TSPAN9: variants seen among roughly 807,000 people sequenced by gnomAD.
TSPAN9 encodes the protein tetraspanin 9.
In TSPAN9, 16 loss-of-function variants were observed where a neutral mutation model predicts 31.0. That is an observed-to-expected ratio of 0.52 (90% CI 0.35 to 0.78). The LOEUF is 0.78. Among genes scored for constraint, TSPAN9 ranks in the 30% least tolerant of loss-of-function variants. The probability of loss-of-function intolerance (pLI) is 0.01; values close to 1 mark genes in which losing one functional copy is unlikely to be tolerated. For synonymous variants in TSPAN9, 145 were observed against 121.6 expected, an observed-to-expected ratio of 1.19 and a Z score of -1.27; for missense variants, 272 against 312.5, an observed-to-expected ratio of 0.87 and a Z score of 0.98.
intron 2 of TSPAN9, among the ~76,000 whole-genome samples, chr12:3,085,812 G>A (rs775864443): frequency 5.3e-5 from 8 of 152,214 alleles, no homozygotes; most frequent in Non-Finnish European, 1.2e-4. Context: ...TCTGACTAGT[G>A]CCTTCCCGGC....
chr12:3,192,422 TGCAGGGA>T lies in TSPAN9; in HGVS notation c.-17-8753_-17-8747del, dbSNP rs2098364894. On this transcript the variant is annotated intron_variant, in intron 2 of 8. Coordinates refer to ENST00000011898, the MANE Select transcript of TSPAN9 (RefSeq NM_006675.5). The surrounding 1 kb of genome is among the most constrained non-coding windows in gnomAD (Gnocchi z 4.6). ...GGGCGGGGACGAGGAGGATGCCAGG[TGCAGGGA>T]GGCTCTGCGGCTTGGACTTGTGTTT... Among the ~76,000 whole-genome samples, 1 of 151,886 alleles carries T rather than the reference TGCAGGGA, an allele frequency of 6.6e-6. No individual in the cohort carries two copies. The highest frequency in any genetic ancestry group is 2.1e-4 in the South Asian group (1 of 4,776).
intron 3 of TSPAN9, among the ~76,000 whole-genome samples, chr12:3,218,796 C>T (rs909135453): frequency 6.6e-6 from 1 of 152,140 alleles, no homozygotes; most frequent in African/African-American, 2.4e-5. Flanking sequence ...GCTGGCTCTC[C>T]GCTGCCAATA....
At chr12:3,155,881 T>C (rs542603376) in intron 2 of TSPAN9, among the ~76,000 whole-genome samples, 50 of 151,952 alleles carry the variant, frequency 3.3e-4, no homozygotes, top group Non-Finnish European at 2.4e-4. Flanking sequence ...TAGGGGGAGA[T>C]AAAGGGGAGT....
At chr12:3,156,496 GTTTTTT>G (rs2098342349) in intron 2 of TSPAN9, among the ~76,000 whole-genome samples, 1 of 151,570 alleles carries the variant, frequency 6.6e-6, no homozygotes, top group African/African-American at 2.4e-5. Flanking sequence ...TCTTAGAGTT[GTTTTTT>G]TGTTTTTGTT....
intron 2 of TSPAN9, among the ~76,000 whole-genome samples, chr12:3,121,570 G>C (rs1425832044): frequency 8.7e-6 from 1 of 114,650 alleles, no homozygotes; most frequent in Admixed American, 1.2e-4. Context: ...TAGAGACAAG[G>C]CCTCACTATG....
At chr12:3,275,523 C>T (rs1405957952) in intron 3 of TSPAN9, among the ~76,000 whole-genome samples, 5 of 152,258 alleles carry the variant, frequency 3.3e-5, no homozygotes, top group Non-Finnish European at 2.9e-5. Flanking sequence ...GAGACGGCAG[C>T]ATAGAAACTG....
intron 1 of TSPAN9, among the ~76,000 whole-genome samples, chr12:3,080,495 C>T (rs375480244): frequency 4.6e-5 from 7 of 151,960 alleles, no homozygotes; most frequent in African/African-American, 7.3e-5. Context: ...CCATCACCCT[C>T]GGCTAAATTT....
intron 2 of TSPAN9, among the ~76,000 whole-genome samples, chr12:3,109,303 A>T (rs201540128): frequency 0.028 from 904 of 31,954 alleles, 6 homozygotes; most frequent in African/African-American, 0.062. Flanking sequence ...TGTGTGTGAG[A>T]GAGAGTGTGT....
chr12:3,095,626 G>C (rs2098307941), intron 2 of TSPAN9, among the ~76,000 whole-genome samples: 1 of 113,330 alleles, frequency 8.8e-6, no homozygotes. Flanking sequence ...GCCGGGCGGA[G>C]GGCTGACCCC....
At chr12:3,082,255 CAGA>C (rs1209466620) in intron 1 of TSPAN9, among the ~76,000 whole-genome samples, 3 of 152,138 alleles carry the variant, frequency 2.0e-5, no homozygotes, top group Admixed American at 6.5e-5. Flanking sequence ...TGCATTTCAA[CAGA>C]AGGAGGAAGG....
intron 2 of TSPAN9, among the ~76,000 whole-genome samples, chr12:3,188,230 ACATT>A (rs140219018): frequency 0.014 from 2,102 of 152,188 alleles, 52 homozygotes; most frequent in African/African-American, 0.047. Context: ...AGGCATGCTC[ACATT>A]CATTCATTCA....
chr12:3,178,513 A>G (rs939463731), intron 2 of TSPAN9, among the ~76,000 whole-genome samples: 1 of 151,600 alleles, frequency 6.6e-6, no homozygotes, highest in African/African-American at 2.4e-5. Flanking sequence ...CTGGTCTTGA[A>G]CTCCTGACCT....
chr12:3,258,546 G>C (rs1374460987), intron 3 of TSPAN9, among the ~76,000 whole-genome samples: 3 of 152,110 alleles, frequency 2.0e-5, no homozygotes, highest in African/African-American at 7.2e-5. Flanking sequence ...ACCCTGTTTT[G>C]AGCTGCTGCT....
chr12:3,229,051 C>G (rs2098389304), intron 3 of TSPAN9, among the ~76,000 whole-genome samples: 1 of 152,218 alleles, frequency 6.6e-6, no homozygotes, highest in South Asian at 2.1e-4. Context: ...CTCCTTATTT[C>G]AAGATCCTTC....
In TSPAN9 at chr12:3,280,515, C is replaced by A; in HGVS notation, c.432+32C>A. On this transcript the variant is annotated intron_variant, in intron 6 of 8. Transcript: ENST00000011898. This position sits in a 1 kb window ranked among gnomAD's most constrained non-coding sequence, Gnocchi z 4.5. ...GCTGGGCCGCCCTGGTGGGGCCAGG[C>A]AGGGAGGAGGGGTGGCGGCCGGTAC... The A allele has an allele frequency of 6.3e-7, 1 of 1,593,980 alleles. No individual in the cohort carries two copies. Among genetic ancestry groups the A allele is most frequent in the Non-Finnish European group, 8.6e-7 (1 of 1,169,430 alleles).
chr12:3,282,960 C>G, intron 8 of TSPAN9, 85 bp from the exon 9 acceptor site: 1 of 1,400,782 alleles, frequency 7.1e-7, no homozygotes, highest in East Asian at 2.3e-5. Context: ...CTCTAGGTGC[C>G]CTGTGACATC....
intron 2 of TSPAN9, among the ~76,000 whole-genome samples, chr12:3,145,813 G>A (rs1383325653): frequency 6.6e-6 from 1 of 152,250 alleles, no homozygotes; most frequent in Non-Finnish European, 1.5e-5. Context: ...CTGGGAAATC[G>A]GAAATGAAAG....
At chr12:3,150,067 C>T (rs773160465) in intron 2 of TSPAN9, among the ~76,000 whole-genome samples, 1 of 152,190 alleles carries the variant, frequency 6.6e-6, no homozygotes, top group Non-Finnish European at 1.5e-5. Context: ...GTTCTTCCCT[C>T]AGGGAGGGCA....
intron 3 of TSPAN9, among the ~76,000 whole-genome samples, chr12:3,264,893 G>T (rs1862513713): frequency 6.6e-6 from 1 of 152,204 alleles, no homozygotes; most frequent in Non-Finnish European, 1.5e-5. Context: ...GTAAACGAGG[G>T]AACCTGGAAC....
Sources: gnomAD v4.1 joint callset for allele counts (sites outside exome capture counted in the v4.1 genomes callset) on GRCh38, gnomAD v4.1.1 for gene constraint, Gnocchi (gnomAD v3.1) non-coding constraint, MANE v1.5 for transcripts, NCBI Gene and HGNC (gene_info 2026-07-23, HGNC 2026-07-21) for gene names.